The following TFCP2 variants were observed in gnomAD, a reference collection of about 807,000 sequenced individuals.
TFCP2 encodes alpha-globin transcription factor CP2.
In TFCP2, 33 loss-of-function variants were observed where a neutral mutation model predicts 73.4. The observed-to-expected ratio is 0.45, with a 90% CI of 0.34 to 0.60. TFCP2 has a LOEUF of 0.60. Ranked by LOEUF, TFCP2 falls within the 20% of genes least tolerant of loss-of-function variation. TFCP2 has a pLI of 0.01. For missense variants in TFCP2, 352 were observed against 604.0 expected (o/e 0.58, Z 4.37); for synonymous variants, 193 against 211.6 (o/e 0.91, Z 0.76).
At chr12:51,129,113 T>C (rs952190384) in intron 1 of TFCP2, among the ~76,000 whole-genome samples, 4 of 152,112 alleles carry the variant, frequency 2.6e-5, no homozygotes, top group African/African-American at 9.7e-5. Flanking sequence ...TGGTATCAGG[T>C]TTCATTAAAA....
intron 1 of TFCP2, among the ~76,000 whole-genome samples, chr12:51,122,664 T>C (rs914861093): frequency 3.3e-5 from 5 of 152,312 alleles, no homozygotes; most frequent in Admixed American, 2.6e-4. Flanking sequence ...GTGGAGAATG[T>C]TGAGGGAATC....
chr12:51,109,316 C>A, intron 5 of TFCP2, 43 bp from the exon 6 acceptor site: 5 of 1,598,166 alleles, frequency 3.1e-6, no homozygotes, highest in South Asian at 1.1e-5. Flanking sequence ...CGCTAGCTAG[C>A]CAAACCAGTT....
At chr12:51,102,887 T>C (rs796413773) in intron 10 of TFCP2, among the ~76,000 whole-genome samples, 49 of 151,820 alleles carry the variant, frequency 3.2e-4, no homozygotes, top group African/African-American at 1.1e-3. Context: ...CGATTAGTTG[T>C]GTTTTGTTTC....
chr12:51,112,330 C>T (rs780693764), intron 4 of TFCP2, among the ~76,000 whole-genome samples: 14 of 152,136 alleles, frequency 9.2e-5, no homozygotes, highest in African/African-American at 3.1e-4. Flanking sequence ...TATCCTCCTT[C>T]TAGCTTAAAA....
intron 9 of TFCP2, 196 bp from the exon 10 acceptor site, chr12:51,103,959 T>C (rs1940171598): frequency 4.3e-6 from 3 of 700,050 alleles, no homozygotes; most frequent in South Asian, 3.6e-5. Flanking sequence ...GCTGCTCAAA[T>C]GGAAAGGTCC....
chr12:51,125,292 CA>C, intron 1 of TFCP2: 1 of 549,230 alleles, frequency 1.8e-6, no homozygotes, highest in East Asian at 4.6e-5. Flanking sequence ...TGGAATCAGT[CA>C]AAGATGACAG....
chr12:51,142,958 A>G (rs544506235), intron 1 of TFCP2, among the ~76,000 whole-genome samples: 41 of 152,060 alleles, frequency 2.7e-4, no homozygotes, highest in Non-Finnish European at 5.1e-4. Flanking sequence ...ACCCAACTGT[A>G]ACTCCTAAAT....
chr12:51,141,614 C>A (rs1486305240), intron 1 of TFCP2, among the ~76,000 whole-genome samples: 1 of 151,680 alleles, frequency 6.6e-6, no homozygotes, highest in Non-Finnish European at 1.5e-5. Flanking sequence ...AAATAGGGGT[C>A]TTTAGCTGGG....
intron 1 of TFCP2, among the ~76,000 whole-genome samples, chr12:51,151,499 C>T (rs1016265727): frequency 3.3e-5 from 5 of 151,984 alleles, no homozygotes; most frequent in Non-Finnish European, 7.4e-5. Context: ...TGCAGTGGCG[C>T]GATCTCGGCT....
intron 1 of TFCP2, among the ~76,000 whole-genome samples, chr12:51,153,404 TTTTTTTG>T (rs370233391): frequency 0.012 from 1,781 of 152,098 alleles, 27 homozygotes; most frequent in Middle Eastern, 0.037. Context: ...TAACCTTTTT[TTTTTTTG>T]TTTTTTGTTG....
intron 1 of TFCP2, among the ~76,000 whole-genome samples, chr12:51,131,224 A>T (rs2137002739): frequency 6.6e-6 from 1 of 150,398 alleles, no homozygotes; most frequent in East Asian, 2.0e-4. Flanking sequence ...AGTCCCAGCT[A>T]CTAGGGAGAC....
rs1054313261 is a variant in TFCP2, at chr12:51,122,258, T to C, written c.123-3486A>G. ...AGTTTTATTTTTTTTCTTTTCTTTT[T>C]TTTTTTTTTTTTTTTTTTGAGATAG... On this transcript the variant is annotated intron_variant, in intron 1 of 14. Coordinates refer to ENST00000257915, the MANE Select transcript of TFCP2 (RefSeq NM_005653.5). 2.0e-4 allele frequency among the ~76,000 whole-genome samples: 28 copies of C among 137,884 alleles called. 1 individual carries two copies. The East Asian group carries it at 2.6e-3, about 13-fold the overall frequency. The allele number at this position is 137,884 out of a possible 152,430, so 90.5% of individuals were successfully genotyped here. A position where few individuals can be genotyped will look rare whatever the true frequency, so the allele number is the denominator to read the frequency against.
At chr12:51,116,474 T>C in intron 3 of TFCP2, 54 bp from the exon 4 acceptor site, 3 of 1,009,424 alleles carry the variant, frequency 3.0e-6, no homozygotes, top group Non-Finnish European at 2.9e-6. Flanking sequence ...AAATCAGTGC[T>C]GACAAAGAAA....
chr12:51,159,817 C>T lies in TFCP2; in HGVS notation c.122+12484G>A, dbSNP rs540989175. 7.9e-5 allele frequency among the ~76,000 whole-genome samples: 12 copies of T among 152,212 alleles called. No homozygotes were observed. In the South Asian group the frequency reaches 1.4e-3, roughly 18 times the overall value. ...ATTTGGAAGAGATGGTCCTTTCTGCCCACCTTAGGTTCCACAAACTACATG... is the reference window on the plus strand; with the variant it reads ...ATTTGGAAGAGATGGTCCTTTCTGCTCACCTTAGGTTCCACAAACTACATG... On this transcript the variant is annotated intron_variant, in intron 1 of 14. Coordinates refer to ENST00000257915, the MANE Select transcript of TFCP2 (RefSeq NM_005653.5).
At chr12:51,106,133 T>C (rs1940233440) in intron 8 of TFCP2, among the ~76,000 whole-genome samples, 1 of 152,194 alleles carries the variant, frequency 6.6e-6, no homozygotes, top group Non-Finnish European at 1.5e-5. Context: ...ATTTTAGTGT[T>C]TGTACAATTG....
In TFCP2 at chr12:51,164,352, A is replaced by C. The variant is rs577003848; in HGVS notation, c.122+7949T>G. Among the ~76,000 whole-genome samples, 35 of 152,234 alleles carry C rather than the reference A, an allele frequency of 2.3e-4. No homozygotes were observed. In the South Asian group the frequency reaches 7.1e-3, roughly 31 times the overall value. ...GGTGGCTCACGCCTGTAATCCCAGC[A>C]CTTTGGGAGGCCGAGGCGGGCAGAT... is the stretch of plus-strand genomic sequence containing the variant. On this transcript the variant is annotated intron_variant, in intron 1 of 14. Coordinates refer to ENST00000257915, the MANE Select transcript of TFCP2 (RefSeq NM_005653.5).
intron 1 of TFCP2, among the ~76,000 whole-genome samples, chr12:51,163,205 T>C (rs1004074976): frequency 6.6e-6 from 1 of 151,754 alleles, no homozygotes; most frequent in Non-Finnish European, 1.5e-5. Flanking sequence ...GAGACTGAGG[T>C]GGGAGGATTG....
intron 1 of TFCP2, among the ~76,000 whole-genome samples, chr12:51,121,490 C>CA (rs1163037432): frequency 5.7e-5 from 8 of 140,128 alleles, no homozygotes; most frequent in African/African-American, 2.1e-4. Flanking sequence ...TTTTTTAAGA[C>CA]AGTCTCACTC....
At chr12:51,097,563 A>T (rs1409957206) in intron 13 of TFCP2, among the ~76,000 whole-genome samples, 1 of 152,128 alleles carries the variant, frequency 6.6e-6, no homozygotes, top group Non-Finnish European at 1.5e-5. Context: ...TTAATCTTTA[A>T]TAATTACTTA....
Sources: allele counts gnomAD v4.1 joint callset (sites outside exome capture counted in the v4.1 genomes callset), GRCh38; gene constraint gnomAD v4.1.1; transcripts MANE v1.5; gene names NCBI Gene and HGNC (gene_info 2026-07-23, HGNC 2026-07-21).